Variants in ASH1L observed in about 807,000 individuals in gnomAD.
The protein encoded by ASH1L is ASH1 like histone lysine methyltransferase.
Under a neutral mutation model 269.0 loss-of-function variants are expected in ASH1L, and 23 were observed. That is an observed-to-expected ratio of 0.09 (90% CI 0.06 to 0.12). The LOEUF (loss-of-function observed/expected upper bound fraction) is 0.12. ASH1L is among the 10% of genes least tolerant of loss of function. The pLI is 1.00. For synonymous variants in ASH1L, 1,187 were observed against 1,253.5 expected, an observed-to-expected ratio of 0.95 and a Z score of 1.12; for missense variants, 2,912 against 3,567.8, an observed-to-expected ratio of 0.82 and a Z score of 4.68.
intron 12 of ASH1L, among the ~76,000 whole-genome samples, chr1:155,366,635 C>A (rs1490995824): frequency 1.3e-5 from 2 of 152,098 alleles, no homozygotes; most frequent in Non-Finnish European, 2.9e-5. Flanking sequence ...TTCTTAGGGA[C>A]TAGTCTTTTA....
chr1:155,523,418 G>A (rs1669020469), intron 1 of ASH1L, among the ~76,000 whole-genome samples: 1 of 152,186 alleles, frequency 6.6e-6, no homozygotes. Context: ...CTTGAACCTT[G>A]AAGGTCGAGG....
chr1:155,489,565 T>G (rs776209406), intron 2 of ASH1L, among the ~76,000 whole-genome samples: 1 of 150,516 alleles, frequency 6.6e-6, no homozygotes, highest in African/African-American at 2.4e-5. Context: ...GGTCAGGAGA[T>G]CAAGACCACA....
intron 4 of ASH1L, among the ~76,000 whole-genome samples, chr1:155,453,114 G>T (rs571656211): frequency 6.6e-6 from 1 of 152,144 alleles, no homozygotes; most frequent in South Asian, 2.1e-4. Flanking sequence ...CAGCACTTTG[G>T]GGGGCCGAGG....
chr1:155,405,829 CAAAAA>C (rs201440660), intron 6 of ASH1L, among the ~76,000 whole-genome samples: 3 of 77,068 alleles, frequency 3.9e-5, no homozygotes, highest in Admixed American at 1.5e-4. Flanking sequence ...TTCTCTGTGT[CAAAAA>C]AAAAAAAAAA....
At chr1:155,446,957 T>C (rs1558116461) in intron 4 of ASH1L, among the ~76,000 whole-genome samples, 1 of 152,244 alleles carries the variant, frequency 6.6e-6, no homozygotes, top group Non-Finnish European at 1.5e-5. Flanking sequence ...TATTTCTATA[T>C]GTTGAGCTTA....
chr1:155,471,138 A>G (rs1470383087), intron 3 of ASH1L, among the ~76,000 whole-genome samples: 2 of 152,258 alleles, frequency 1.3e-5, no homozygotes, highest in Non-Finnish European at 2.9e-5. Flanking sequence ...ATCTCCATGT[A>G]CTTATCAACA....
At chr1:155,459,686 T>C (rs1023228256) in intron 4 of ASH1L, 111 bp downstream of exon 4, 16 of 806,072 alleles carry the variant, frequency 2.0e-5, no homozygotes, top group Non-Finnish European at 2.6e-5. Context: ...AAAAATAAAA[T>C]ACCATATATG....
At chr1:155,493,486 C>A (rs1364209115) in intron 2 of ASH1L, among the ~76,000 whole-genome samples, 1 of 152,234 alleles carries the variant, frequency 6.6e-6, no homozygotes, top group East Asian at 1.9e-4. Flanking sequence ...ATTCTTCTTG[C>A]TGTTACAGAA....
chr1:155,542,737 T>C (rs1397152601), intron 1 of ASH1L, among the ~76,000 whole-genome samples: 1 of 149,980 alleles, frequency 6.7e-6, no homozygotes, highest in Non-Finnish European at 1.5e-5. Flanking sequence ...TGGAGTGCAG[T>C]GGTGCAATCT....
At chr1:155,532,286 A>G (rs1369092967) in intron 1 of ASH1L, among the ~76,000 whole-genome samples, 1 of 152,228 alleles carries the variant, frequency 6.6e-6, no homozygotes. Flanking sequence ...TAAACTCTTT[A>G]GAAAATTACT....
chr1:155,470,613 G>A lies in ASH1L; in HGVS notation c.4984+7273C>T, dbSNP rs1287276889. 3.4e-5 allele frequency among the ~76,000 whole-genome samples: 5 copies of A among 146,274 alleles called. No homozygotes were observed. In the East Asian group the frequency reaches 1.0e-3, roughly 30 times the overall value. On this transcript the variant is annotated intron_variant, in intron 3 of 27. Transcript: ENST00000392403. ...GTTGCCCAGGCCGGAGTGCAATGGT[G>A]CAATCTCGGCTCACTACAATCTCCA...
chr1:155,356,382 C>A (rs1368129087), intron 15 of ASH1L, among the ~76,000 whole-genome samples: 1 of 152,068 alleles, frequency 6.6e-6, no homozygotes. Context: ...CGCCTGTAAT[C>A]CCAGCACTTG....
chr1:155,521,255 T>A lies in ASH1L; in HGVS notation c.265A>T (p.Ile89Phe), dbSNP rs1240366273. 6.2e-7 allele frequency: 1 copy of A among 1,614,196 alleles called. No individual in the cohort carries two copies. Among genetic ancestry groups the A allele is most frequent in the South Asian group, 1.1e-5 (1 of 91,084 alleles). ...NFSEGNLKLK[I>F]GLQAKRTKKP... ...TTAGTTCTCTTAGCCTGGAGGCCAA[T>A]TTTCAATTTTAAATTTCCCTCTGAA... Residue 89 changes from isoleucine (I) to phenylalanine (F), a missense_variant, in exon 2 of 28, where the codon ATT becomes TTT. By Grantham distance (21) the Ile-to-Phe change is conservative (BLOSUM62 0). Around this residue, in one of 13 missense-constraint regions of ASH1L, gnomAD observed 115 missense variants for 101.5 expected, o/e 1.13. Coordinates refer to ENST00000392403, the MANE Select transcript of ASH1L (RefSeq NM_018489.3).
At chr1:155,383,952 A>T (rs543932063) in intron 7 of ASH1L, among the ~76,000 whole-genome samples, 3 of 150,308 alleles carry the variant, frequency 2.0e-5, no homozygotes, top group South Asian at 2.1e-4. Flanking sequence ...ACTGGAAGTT[A>T]AAAAAAATGT....
intron 12 of ASH1L, among the ~76,000 whole-genome samples, chr1:155,366,872 C>T (rs112175473): frequency 1.1e-3 from 165 of 151,858 alleles, no homozygotes; most frequent in African/African-American, 3.7e-3. Context: ...GGGTTTCAGT[C>T]ATCATGTTGG....
rs769664729 is a variant in ASH1L, at chr1:155,480,499, C to A, written c.2371G>T (p.Ala791Ser). The A allele has an allele frequency of 2.7e-5, 44 of 1,613,886 alleles. No homozygotes were observed. In the South Asian group the frequency reaches 3.0e-4, roughly 11 times the overall value. The change falls in exon 3 of 28, where the codon GCT becomes TCT. Residue 791 changes from alanine to serine, a missense_variant. Physicochemically the swap from Ala to Ser is moderately conservative, Grantham distance 99 (BLOSUM62 1). Coordinates refer to ENST00000392403, the MANE Select transcript of ASH1L (RefSeq NM_018489.3). Reference sequence around the variant, plus strand: ...GGTTTTTCACTATCAGCTAAGAGAGCAAGAGATGGAGCTGTGGATTTGCTC... The same window carrying A: ...GGTTTTTCACTATCAGCTAAGAGAGAAAGAGATGGAGCTGTGGATTTGCTC... The part of the protein sequence containing the change: ...KLSKSTAPSL[A>S]LLADSEKPSH...
intron 1 of ASH1L, among the ~76,000 whole-genome samples, chr1:155,540,815 T>C (rs957283505): frequency 1.3e-5 from 2 of 152,148 alleles, no homozygotes; most frequent in Non-Finnish European, 2.9e-5. Flanking sequence ...CACTCATACA[T>C]CTGTGATACA....
chr1:155,353,800 G>A (rs889892818), intron 16 of ASH1L, among the ~76,000 whole-genome samples: 2 of 152,092 alleles, frequency 1.3e-5, no homozygotes, highest in Non-Finnish European at 2.9e-5. Flanking sequence ...AACTGATAAT[G>A]ACCTGTCCAC....
chr1:155,540,622 A>T (rs1419291889), intron 1 of ASH1L, among the ~76,000 whole-genome samples: 1 of 152,164 alleles, frequency 6.6e-6, no homozygotes, highest in Non-Finnish European at 1.5e-5. Context: ...TGCAAAAATT[A>T]GCTGGATATG....
Sources: allele counts gnomAD v4.1 joint callset (sites outside exome capture counted in the v4.1 genomes callset), GRCh38; gene constraint gnomAD v4.1.1; regional missense constraint gnomAD v4.1.1; transcripts MANE v1.5; gene names NCBI Gene and HGNC (gene_info 2026-07-23, HGNC 2026-07-21).